Variants in SLC39A9 observed in about 807,000 individuals in gnomAD.
SLC39A9 encodes solute carrier family 39 member 9.
Under a neutral mutation model 28.4 loss-of-function variants are expected in SLC39A9, and 14 were observed. That is an observed-to-expected ratio of 0.49 (90% CI 0.33 to 0.77). SLC39A9 has a LOEUF of 0.77. Among genes scored for constraint, SLC39A9 ranks in the 30% least tolerant of loss-of-function variants. The pLI, the probability that SLC39A9 is intolerant of heterozygous loss-of-function variation, is 0.02. For missense variants in SLC39A9, 283 were observed against 381.1 expected (o/e 0.74, Z 2.14); for synonymous variants, 119 against 149.6 (o/e 0.80, Z 1.49).
At position 69,399,308 on chromosome 14, in the gene SLC39A9, C is replaced by G; in HGVS notation, c.-62C>G. The G allele has an allele frequency of 6.9e-7, 1 of 1,439,790 alleles. No homozygotes were observed. Among genetic ancestry groups the G allele is most frequent in the African/African-American group, 1.4e-5 (1 of 71,736 alleles). 89.2% of individuals were successfully genotyped at this position (1,439,790 alleles called of 1,614,324 possible). A position where few individuals can be genotyped will look rare whatever the true frequency, so the allele number is the denominator to read the frequency against. The stretch of plus-strand genomic sequence containing the variant: ...ACCACACCTGTTTAAAGAACCTAAG[C>G]ACCATTTAAAGCCACTGGAAATTTG... On this transcript the variant is annotated 5_prime_UTR_variant, in exon 1 of 7. Coordinates refer to ENST00000336643, the MANE Select transcript of SLC39A9 (RefSeq NM_018375.5).
chr14:69,426,266 C>T (rs936014597), intron 2 of SLC39A9, among the ~76,000 whole-genome samples: 4 of 152,180 alleles, frequency 2.6e-5, no homozygotes, highest in Admixed American at 2.0e-4. Context: ...GCCTGGGCCT[C>T]TGGAACTTCT....
At chr14:69,408,168 A>G (rs1883048387) in intron 1 of SLC39A9, among the ~76,000 whole-genome samples, 1 of 151,980 alleles carries the variant, frequency 6.6e-6, no homozygotes, top group Non-Finnish European at 1.5e-5. Context: ...GCCTACCAAC[A>G]CGCCCGGCTA....
At chr14:69,423,419 G>C (rs1190208036) in intron 1 of SLC39A9, among the ~76,000 whole-genome samples, 2 of 152,174 alleles carry the variant, frequency 1.3e-5, no homozygotes, top group African/African-American at 2.4e-5. Context: ...TTCTTAGGAT[G>C]AATTTCTAGA....
At chr14:69,408,451 G>A (rs534671378) in intron 1 of SLC39A9, among the ~76,000 whole-genome samples, 1 of 152,300 alleles carries the variant, frequency 6.6e-6, no homozygotes, top group East Asian at 1.9e-4. Context: ...AATTAAGCCT[G>A]GAGTAAAATA....
At chr14:69,452,152 A>T (rs910855396) in intron 3 of SLC39A9, among the ~76,000 whole-genome samples, 3 of 152,212 alleles carry the variant, frequency 2.0e-5, no homozygotes, top group African/African-American at 7.2e-5. Context: ...AAAGGAGAAT[A>T]AGAAGGTTTT....
At chr14:69,449,956 G>C (rs766700616) in intron 3 of SLC39A9, among the ~76,000 whole-genome samples, 4 of 151,848 alleles carry the variant, frequency 2.6e-5, no homozygotes, top group Non-Finnish European at 5.9e-5. Context: ...GGGAGGCCGA[G>C]GCGGGTGAAT....
At chr14:69,398,545 C>T, upstream of SLC39A9, 1 of 500,554 alleles carries the variant, frequency 2.0e-6, no homozygotes. Context: ...CAAGTGATCA[C>T]CGGTATAGAC....
At chr14:69,415,637 T>C (rs563666638) in intron 1 of SLC39A9, among the ~76,000 whole-genome samples, 1 of 134,400 alleles carries the variant, frequency 7.4e-6, no homozygotes, top group African/African-American at 2.7e-5. Context: ...TTGACCTGGC[T>C]GTGTGCTGGG....
intron 6 of SLC39A9, among the ~76,000 whole-genome samples, chr14:69,456,608 A>G (rs540630175): frequency 1.5e-4 from 23 of 152,266 alleles, no homozygotes; most frequent in Non-Finnish European, 2.9e-4. Context: ...GGACCTTCCC[A>G]TGCCTTATAA....
rs1883119726 is a variant in SLC39A9, at chr14:69,409,329, C to T, written c.96+9864C>T. ...TTTCCTTTATTCTTAAAAACTTGTTCTAGTCATTTGTTGTTGTTGTTGTTA... is the reference window on the plus strand; with the variant it reads ...TTTCCTTTATTCTTAAAAACTTGTTTTAGTCATTTGTTGTTGTTGTTGTTA... On this transcript the variant is annotated intron_variant, in intron 1 of 6. Transcript: ENST00000336643. Among the ~76,000 whole-genome samples, 7 of 152,116 alleles carry T rather than the reference C, an allele frequency of 4.6e-5. No individual in the cohort carries two copies. In the South Asian group the frequency reaches 1.5e-3, roughly 32 times the overall value.
intron 2 of SLC39A9, among the ~76,000 whole-genome samples, chr14:69,441,317 T>C (rs1885039583): frequency 6.6e-6 from 1 of 152,314 alleles, no homozygotes. Flanking sequence ...CTTAATCTGA[T>C]TATAAATGAT....
intron 1 of SLC39A9, among the ~76,000 whole-genome samples, chr14:69,401,485 A>G (rs1882632180): frequency 6.6e-6 from 1 of 152,210 alleles, no homozygotes; most frequent in African/African-American, 2.4e-5. Flanking sequence ...TTTATGAATA[A>G]TCATAATTAA....
chr14:69,421,692 A>G (rs1594917450), intron 1 of SLC39A9, among the ~76,000 whole-genome samples: 1 of 151,688 alleles, frequency 6.6e-6, no homozygotes. Flanking sequence ...TTGTTTACCT[A>G]CTCCAGCCTC....
At chr14:69,422,868 T>G (rs1010958553) in intron 1 of SLC39A9, among the ~76,000 whole-genome samples, 3 of 152,122 alleles carry the variant, frequency 2.0e-5, no homozygotes, top group African/African-American at 7.2e-5. Flanking sequence ...TTCATACTTC[T>G]AAGATCCCAG....
chr14:69,425,532 T>G (rs1394086290), intron 2 of SLC39A9, among the ~76,000 whole-genome samples: 1 of 152,248 alleles, frequency 6.6e-6, no homozygotes, highest in Non-Finnish European at 1.5e-5. Flanking sequence ...GCAATTCTTA[T>G]GAAACAAGTT....
chr14:69,405,747 T>C (rs1027185985), intron 1 of SLC39A9, among the ~76,000 whole-genome samples: 2 of 152,222 alleles, frequency 1.3e-5, no homozygotes, highest in Non-Finnish European at 2.9e-5. Context: ...TAAAATCCGG[T>C]TGCAATATGA....
At chr14:69,415,305 T>A (rs1883509496) in intron 1 of SLC39A9, among the ~76,000 whole-genome samples, 1 of 152,250 alleles carries the variant, frequency 6.6e-6, no homozygotes, top group Non-Finnish European at 1.5e-5. Context: ...GTCAGTCTTT[T>A]CAATTTTGGC....
In SLC39A9 at chr14:69,424,160, G is replaced by A. The variant is rs780120406; in HGVS notation, c.163G>A (p.Val55Met). The change falls in exon 2 of 7, where the codon GTG becomes ATG. Residue 55 changes from valine to methionine, a missense_variant. Transcript: ENST00000336643. ...LLCGTALAVI[V>M]PEGVHALYED... ...CTGTGGAACTGCTCTGGCAGTCATC[G>A]TGCCTGAAGGAGTACATGCCCTTTA... The A allele has an allele frequency of 7.9e-5, 127 of 1,613,696 alleles. No homozygotes were observed. Among genetic ancestry groups the A allele is most frequent in the South Asian group, 1.3e-4 (12 of 91,092 alleles).
intron 3 of SLC39A9, among the ~76,000 whole-genome samples, chr14:69,445,647 T>TAG (rs1885259432): frequency 6.6e-6 from 1 of 152,136 alleles, no homozygotes; most frequent in Non-Finnish European, 1.5e-5. Flanking sequence ...TGTATCTACT[T>TAG]ACCTTTACAA....
Sources: gnomAD v4.1 joint callset for allele counts (sites outside exome capture counted in the v4.1 genomes callset) on GRCh38, gnomAD v4.1.1 for gene constraint, MANE v1.5 for transcripts, NCBI Gene and HGNC (gene_info 2026-07-23, HGNC 2026-07-21) for gene names.